The following GLB1 variants were observed in gnomAD, a reference collection of about 807,000 sequenced individuals.
The protein encoded by GLB1 is galactosidase beta 1, also known as beta-galactosidase.
Under a neutral mutation model 74.0 loss-of-function variants are expected in GLB1, and 56 were observed. The ratio of observed to expected loss-of-function variants is 0.76; its 90% CI spans 0.61 to 0.94. The LOEUF (loss-of-function observed/expected upper bound fraction) is 0.94, where lower values mean the gene tolerates loss of function less well. Among genes scored for constraint, GLB1 ranks in the 40% least tolerant of loss-of-function variants. GLB1 has a pLI of 0.00. For missense variants in GLB1, 787 were observed against 845.5 expected (o/e 0.93, Z 0.86); for synonymous variants, 323 against 323.6 (o/e 1.00, Z 0.02).
chr3:32,961,588 G>A, the GLB1 span, among the ~76,000 whole-genome samples: 1 of 152,228 alleles, frequency 6.6e-6, no homozygotes, highest in Non-Finnish European at 1.5e-5. Context: ...TGTGAAGACA[G>A]CTAGCCTGGA....
At chr3:32,962,892 T>TAAAAA in the GLB1 span, among the ~76,000 whole-genome samples, 3 of 152,086 alleles carry the variant, frequency 2.0e-5, no homozygotes, top group Non-Finnish European at 1.5e-5. Context: ...TTAAATACAA[T>TAAAAA]GTTATTCTTC....
In GLB1 at chr3:33,014,293, C is replaced by T; in HGVS notation, c.1497G>A (p.Leu499=). Residue 499 remains leucine (L), a synonymous_variant, in exon 15 of 16, where the codon CTG becomes CTA. Coordinates refer to ENST00000307363, the MANE Select transcript of GLB1 (RefSeq NM_000404.4). Reference sequence around the variant, plus strand: ...CCGTGAGGATATTGGAACTGAGAGTCAGGTTAGAAACCAAACCCTGCAAAG... The same window carrying T: ...CCGTGAGGATATTGGAACTGAGAGTTAGGTTAGAAACCAAACCCTGCAAAG... ...INDFKGLVSN[L]TLSSNILTDW... is the part of the protein sequence containing the mutation. 6.2e-7 allele frequency: 1 copy of T among 1,614,012 alleles called. No individual in the cohort carries two copies. Among genetic ancestry groups the T allele is most frequent in the Non-Finnish European group, 8.5e-7 (1 of 1,179,994 alleles).
chr3:33,004,718 G>T (rs1008566462), intron 15 of GLB1, among the ~76,000 whole-genome samples: 5 of 152,152 alleles, frequency 3.3e-5, no homozygotes, highest in African/African-American at 9.7e-5. Flanking sequence ...CCTGAAGCTG[G>T]ACCGCCCTCC....
At chr3:32,992,612 T>C (rs986053037), downstream of GLB1, among the ~76,000 whole-genome samples, 4 of 152,264 alleles carry the variant, frequency 2.6e-5, no homozygotes, top group African/African-American at 7.2e-5. Context: ...CCCGAGACCA[T>C]GCTGATGGAA....
chr3:33,030,673 T>A (rs1453400934), intron 10 of GLB1: 2 of 985,278 alleles, frequency 2.0e-6, no homozygotes, highest in South Asian at 4.7e-5. Context: ...TCCCATCCCC[T>A]CTTCACCACT....
intron 1 of GLB1, among the ~76,000 whole-genome samples, chr3:33,082,123 C>T (rs1167938087): frequency 6.6e-6 from 1 of 152,244 alleles, no homozygotes; most frequent in African/African-American, 2.4e-5. Flanking sequence ...CTTCTGAGGA[C>T]TACTGGATAC....
At chr3:33,061,127 C>T (rs1315917710) in intron 5 of GLB1, among the ~76,000 whole-genome samples, 1 of 152,082 alleles carries the variant, frequency 6.6e-6, no homozygotes, top group Non-Finnish European at 1.5e-5. Context: ...AATAAAACAC[C>T]AGGCTGGGCG....
chr3:32,962,333 A>G, the GLB1 span, among the ~76,000 whole-genome samples: 1 of 151,602 alleles, frequency 6.6e-6, no homozygotes, highest in African/African-American at 2.4e-5. Flanking sequence ...ACGTTAGTTA[A>G]TAATAATGTA....
intron 10 of GLB1, among the ~76,000 whole-genome samples, chr3:33,025,359 A>G (rs75966690): frequency 0.017 from 2,541 of 152,342 alleles, 73 homozygotes; most frequent in African/African-American, 0.058. Context: ...ACATATACAC[A>G]TGCACACACA....
the GLB1 span, among the ~76,000 whole-genome samples, chr3:32,990,695 C>T: frequency 7.2e-5 from 11 of 152,288 alleles, no homozygotes; most frequent in South Asian, 2.1e-3. Flanking sequence ...CTATTGCAGT[C>T]GGGCGCGGTG....
At chr3:33,040,082 G>A (rs1180769600) in intron 10 of GLB1, among the ~76,000 whole-genome samples, 1 of 152,140 alleles carries the variant, frequency 6.6e-6, no homozygotes, top group East Asian at 1.9e-4. Flanking sequence ...TTTACCCTCA[G>A]AAACTGTGAT....
chr3:33,084,361 A>C (rs1213231974), intron 1 of GLB1, among the ~76,000 whole-genome samples: 2 of 152,220 alleles, frequency 1.3e-5, no homozygotes, highest in African/African-American at 4.8e-5. Context: ...ATTACATCAG[A>C]GCTAAGAGCC....
chr3:33,036,654 G>T (rs1698289987), intron 10 of GLB1, among the ~76,000 whole-genome samples: 1 of 152,094 alleles, frequency 6.6e-6, no homozygotes, highest in Non-Finnish European at 1.5e-5. Flanking sequence ...AAATGAATAG[G>T]TAATTAAAAT....
At chr3:33,056,404 TTGTG>T (rs143885267) in intron 6 of GLB1, among the ~76,000 whole-genome samples, 1 of 151,684 alleles carries the variant, frequency 6.6e-6, no homozygotes, top group Non-Finnish European at 1.5e-5. Context: ...CTGGTCTTTT[TTGTG>T]TGTGTGTATC....
chr3:32,990,163 C>G, the GLB1 span, among the ~76,000 whole-genome samples: 1 of 152,206 alleles, frequency 6.6e-6, no homozygotes, highest in African/African-American at 2.4e-5. Context: ...TCCATTGTCT[C>G]TCCAGACCCT....
At chr3:32,963,556 C>T in the GLB1 span, among the ~76,000 whole-genome samples, 1 of 152,038 alleles carries the variant, frequency 6.6e-6, no homozygotes, top group Admixed American at 6.6e-5. Flanking sequence ...TTCAAATTAC[C>T]AAGTGGCACA....
intron 11 of GLB1, among the ~76,000 whole-genome samples, chr3:33,023,148 T>C (rs1204807800): frequency 6.6e-6 from 1 of 152,240 alleles, no homozygotes; most frequent in Non-Finnish European, 1.5e-5. Context: ...CAGAATGTGC[T>C]TTTGGTAATA....
the GLB1 span, among the ~76,000 whole-genome samples, chr3:32,991,206 A>G: frequency 6.6e-6 from 1 of 151,988 alleles, no homozygotes; most frequent in Admixed American, 6.5e-5. Flanking sequence ...AATTCCCCTC[A>G]GTTAATATCT....
intron 1 of GLB1, among the ~76,000 whole-genome samples, chr3:33,088,679 G>A (rs925045269): frequency 6.6e-6 from 1 of 152,150 alleles, no homozygotes; most frequent in Non-Finnish European, 1.5e-5. Context: ...TCATGGAGTG[G>A]AAGGTTCATA....
Sources: allele counts gnomAD v4.1 joint callset (sites outside exome capture counted in the v4.1 genomes callset), GRCh38; gene constraint gnomAD v4.1.1; transcripts MANE v1.5; gene names NCBI Gene and HGNC (gene_info 2026-07-23, HGNC 2026-07-21).